SNTG1: variants seen among roughly 807,000 people sequenced by gnomAD.
SNTG1 encodes syntrophin gamma 1, also known as gamma-1-syntrophin.
A neutral mutation model predicts 74.7 loss-of-function variants in SNTG1; 39 were observed. That is an observed-to-expected ratio of 0.52 (90% CI 0.40 to 0.68). The LOEUF (loss-of-function observed/expected upper bound fraction) is 0.68, where lower values mean the gene tolerates loss of function less well. Among genes scored for constraint, SNTG1 ranks in the 30% least tolerant of loss-of-function variants. The pLI is 0.00. For synonymous variants in SNTG1, 254 were observed against 217.1 expected (o/e 1.17, Z -1.49); for missense variants, 685 against 609.5 (o/e 1.12, Z -1.30).
At chr8:50,453,197 G>A (rs2131635810) in intron 8 of SNTG1, among the ~76,000 whole-genome samples, 1 of 152,314 alleles carries the variant, frequency 6.6e-6, no homozygotes, top group East Asian at 1.9e-4. Flanking sequence ...GATTTATATA[G>A]AAGGGGGATT....
chr8:49,914,473 A>G (rs1444452561), intron 1 of SNTG1, among the ~76,000 whole-genome samples: 2 of 152,142 alleles, frequency 1.3e-5, no homozygotes, highest in African/African-American at 2.4e-5. Flanking sequence ...GAAAATGTAA[A>G]GTATATATAG....
At chr8:50,736,658 T>C (rs560379078) in intron 17 of SNTG1, among the ~76,000 whole-genome samples, 98 of 152,092 alleles carry the variant, frequency 6.4e-4, no homozygotes, top group African/African-American at 2.3e-3. Context: ...TATTCTAAAA[T>C]TGACCACAAG....
chr8:50,283,722 G>C (rs919305634), intron 2 of SNTG1, among the ~76,000 whole-genome samples: 1 of 152,096 alleles, frequency 6.6e-6, no homozygotes, highest in Non-Finnish European at 1.5e-5. Context: ...AGGGCACATA[G>C]TTCTGTATTT....
intron 17 of SNTG1, among the ~76,000 whole-genome samples, chr8:50,743,320 T>G (rs1402483190): frequency 1.3e-5 from 2 of 151,996 alleles, no homozygotes; most frequent in Non-Finnish European, 2.9e-5. Flanking sequence ...AAGTAGTATT[T>G]ATTAATGAAA....
chr8:50,183,472 C>G (rs1255863719), intron 2 of SNTG1, among the ~76,000 whole-genome samples: 2 of 152,184 alleles, frequency 1.3e-5, no homozygotes, highest in East Asian at 1.9e-4. Context: ...CTATTCCAGA[C>G]TAAGCTGAAG....
chr8:50,330,392 T>C (rs953557297), intron 2 of SNTG1, among the ~76,000 whole-genome samples: 3 of 152,134 alleles, frequency 2.0e-5, no homozygotes, highest in African/African-American at 7.2e-5. Flanking sequence ...TTGTCTTTAT[T>C]TGCAGCATGA....
At chr8:50,749,263 C>G (rs2131691162) in intron 17 of SNTG1, among the ~76,000 whole-genome samples, 1 of 152,116 alleles carries the variant, frequency 6.6e-6, no homozygotes, top group East Asian at 2.0e-4. Context: ...GGAAGGCTCT[C>G]TTTTCAGATC....
intron 1 of SNTG1, among the ~76,000 whole-genome samples, chr8:50,027,790 G>A (rs1469004885): frequency 6.6e-6 from 1 of 152,156 alleles, no homozygotes; most frequent in Non-Finnish European, 1.5e-5. Context: ...ATTGTAAATA[G>A]CACCTGTTCA....
intron 15 of SNTG1, among the ~76,000 whole-genome samples, chr8:50,690,906 G>T (rs1366481478): frequency 6.6e-6 from 1 of 152,110 alleles, no homozygotes; most frequent in East Asian, 1.9e-4. Flanking sequence ...GGTCACTCAG[G>T]ACTTGCTTTA....
chr8:50,642,126 C>T (rs2095077370), intron 13 of SNTG1, among the ~76,000 whole-genome samples: 1 of 152,152 alleles, frequency 6.6e-6, no homozygotes, highest in African/African-American at 2.4e-5. Flanking sequence ...TGGCCTCCTC[C>T]ATTCTTCTGA....
intron 2 of SNTG1, among the ~76,000 whole-genome samples, chr8:50,266,217 A>C (rs1227921496): frequency 1.3e-5 from 2 of 152,126 alleles, no homozygotes; most frequent in Non-Finnish European, 2.9e-5. Context: ...CAAGAAGTAT[A>C]AGACTGGTAT....
intron 1 of SNTG1, among the ~76,000 whole-genome samples, chr8:49,967,306 G>T (rs1372691566): frequency 6.6e-6 from 1 of 152,232 alleles, no homozygotes; most frequent in East Asian, 1.9e-4. Context: ...CTGTTCTCAG[G>T]GAGCTTACAG....
chr8:50,054,829 G>T (rs62515380), intron 1 of SNTG1, among the ~76,000 whole-genome samples: 2,637 of 152,098 alleles, frequency 0.017, 51 homozygotes, highest in South Asian at 0.092. Flanking sequence ...GCACCACCAT[G>T]CCCAGCTAAT....
intron 2 of SNTG1, among the ~76,000 whole-genome samples, chr8:50,343,496 T>A (rs1056670505): frequency 6.6e-6 from 1 of 152,038 alleles, no homozygotes; most frequent in East Asian, 1.9e-4. Flanking sequence ...TATAAAAAAA[T>A]TAAAAGATCA....
intron 9 of SNTG1, among the ~76,000 whole-genome samples, chr8:50,504,237 G>C (rs1226079857): frequency 6.6e-6 from 1 of 152,092 alleles, no homozygotes; most frequent in Non-Finnish European, 1.5e-5. Flanking sequence ...TTGTTATCCA[G>C]TCTAACACTA....
chr8:49,939,757 T>C (rs908696932), intron 1 of SNTG1, among the ~76,000 whole-genome samples: 6 of 152,186 alleles, frequency 3.9e-5, no homozygotes, highest in Non-Finnish European at 7.3e-5. Flanking sequence ...TATTCTATGT[T>C]TAGCAAAGGC....
intron 17 of SNTG1, among the ~76,000 whole-genome samples, chr8:50,745,723 C>T (rs1038968361): frequency 6.6e-6 from 1 of 151,890 alleles, no homozygotes; most frequent in African/African-American, 2.4e-5. Flanking sequence ...ATTATTTAGC[C>T]ATGGATGGGC....
At chr8:50,638,921 A>G (rs569229870) in intron 13 of SNTG1, among the ~76,000 whole-genome samples, 8 of 152,254 alleles carry the variant, frequency 5.3e-5, no homozygotes, top group Admixed American at 3.9e-4. Flanking sequence ...AACTAGACCC[A>G]AAGCTATCAC....
intron 1 of SNTG1, among the ~76,000 whole-genome samples, chr8:50,038,393 G>A (rs1276131153): frequency 5.3e-5 from 8 of 152,164 alleles, no homozygotes; most frequent in African/African-American, 1.9e-4. Flanking sequence ...TAAGGACCCA[G>A]TGGAAATTAT....
Sources: gnomAD v4.1 joint callset for allele counts (sites outside exome capture counted in the v4.1 genomes callset) on GRCh38, gnomAD v4.1.1 for gene constraint, MANE v1.5 for transcripts, NCBI Gene and HGNC (gene_info 2026-07-23, HGNC 2026-07-21) for gene names.